Variants in KCNQ1 observed in about 807,000 individuals in gnomAD.
KCNQ1 encodes potassium voltage-gated channel subfamily KQT member 1.
A neutral mutation model predicts 72.4 loss-of-function variants in KCNQ1; 49 were observed. That is an observed-to-expected ratio of 0.68 (90% CI 0.54 to 0.86). The LOEUF (loss-of-function observed/expected upper bound fraction) is 0.86, where lower values mean the gene tolerates loss of function less well. Ranked by LOEUF, KCNQ1 falls within the 40% of genes least tolerant of loss-of-function variation. The probability of loss-of-function intolerance (pLI) is 0.00; values close to 1 mark genes in which losing one functional copy is unlikely to be tolerated. For missense variants in KCNQ1, 790 were observed against 945.1 expected, an observed-to-expected ratio of 0.84 and a Z score of 2.15; for synonymous variants, 450 against 412.6, an observed-to-expected ratio of 1.09 and a Z score of -1.10.
In KCNQ1 at chr11:2,776,382, C is replaced by A. The variant is rs1846702510; in HGVS notation, c.1685+328C>A. ...AGCAACACCAGCTTCACACTCCCCACAACTTCAGGACACTCGGCAGCCAGC... is the reference window on the plus strand; with the variant it reads ...AGCAACACCAGCTTCACACTCCCCAAAACTTCAGGACACTCGGCAGCCAGC... On this transcript the variant is annotated intron_variant, in intron 13 of 15. Transcript: ENST00000155840. Among the ~76,000 whole-genome samples, 4 of 152,260 alleles carry A rather than the reference C, an allele frequency of 2.6e-5. No individual in the cohort carries two copies. The South Asian group carries it at 6.2e-4, about 24-fold the overall frequency.
chr11:2,718,126 C>T (rs1851127510), intron 11 of KCNQ1, among the ~76,000 whole-genome samples: 1 of 152,220 alleles, frequency 6.6e-6, no homozygotes, highest in African/African-American at 2.4e-5. Context: ...GGCTTAAACA[C>T]TTTGAGGCCC....
At chr11:2,629,738 G>A (rs1178081062) in intron 10 of KCNQ1, 5 of 398,324 alleles carry the variant, frequency 1.3e-5, no homozygotes, top group Non-Finnish European at 2.2e-5. Flanking sequence ...TATTATTAGT[G>A]TATAGATACG....
intron 10 of KCNQ1, chr11:2,660,668 C>T: frequency 2.5e-6 from 1 of 398,622 alleles, no homozygotes; most frequent in African/African-American, 2.1e-5. Flanking sequence ...CAGTTTTCAT[C>T]CATGCTTGAT....
At chr11:2,527,652 G>A (rs955052826) in intron 1 of KCNQ1, among the ~76,000 whole-genome samples, 1 of 152,238 alleles carries the variant, frequency 6.6e-6, no homozygotes, top group Non-Finnish European at 1.5e-5. Context: ...GTCAGCAGGT[G>A]GTCACCTGTC....
Position 2,565,888 on chromosome 11 carries a change from A to G in KCNQ1, c.478-4740A>G, listed in dbSNP as rs1848240059. Among the ~76,000 whole-genome samples the G allele has an allele frequency of 6.6e-6, 1 of 152,090 alleles. No homozygotes were observed. The highest frequency in any genetic ancestry group is 1.5e-5 in the Non-Finnish European group (1 of 68,010). On this transcript the variant is annotated intron_variant, in intron 2 of 15. Transcript: ENST00000155840. The surrounding 1 kb of genome is among the most constrained non-coding windows in gnomAD (Gnocchi z 5.6). ...CCAGGCCCTTCACTGGGTCTGGAGG[A>G]AGGAGGGTGCTGTGGTCCTGGTGGC... is the stretch of plus-strand genomic sequence containing the variant.
At chr11:2,643,122 A>T (rs1849605528) in intron 10 of KCNQ1, 1 of 398,124 alleles carries the variant, frequency 2.5e-6, no homozygotes, top group Non-Finnish European at 4.4e-6. Context: ...TGATGAGAAG[A>T]GTGTATATTC....
In KCNQ1 at chr11:2,600,557, T is replaced by C. The variant is rs535736530; in HGVS notation, c.1393+11703T>C. On this transcript the variant is annotated intron_variant, in intron 10 of 15. Coordinates refer to ENST00000155840, the MANE Select transcript of KCNQ1 (RefSeq NM_000218.3). This position sits in a 1 kb window ranked among gnomAD's most constrained non-coding sequence, Gnocchi z 5.6. ...GCCCCTAAACATTTTGCTGTGTATTTCTGAAAAATAAAGATATTATCTTTG... is the reference window on the plus strand; with the variant it reads ...GCCCCTAAACATTTTGCTGTGTATTCCTGAAAAATAAAGATATTATCTTTG... Among the ~76,000 whole-genome samples the C allele has an allele frequency of 3.3e-5, 5 of 152,344 alleles. No individual in the cohort carries two copies. The South Asian group carries it at 1.0e-3, about 32-fold the overall frequency.
chr11:2,452,868 G>A (rs1476771138), intron 1 of KCNQ1, among the ~76,000 whole-genome samples: 1 of 152,168 alleles, frequency 6.6e-6, no homozygotes, highest in African/African-American at 2.4e-5. Context: ...GGCTTCATGC[G>A]TGCTGCGGGG....
chr11:2,696,718 C>G (rs549794880), intron 11 of KCNQ1: 2 of 398,600 alleles, frequency 5.0e-6, no homozygotes. Context: ...ATGGAAAGAT[C>G]TCCCTCTATA....
Position 2,826,560 on chromosome 11 carries a change from C to T in KCNQ1, c.1795-21207C>T, listed in dbSNP as rs1847845700. On this transcript the variant is annotated intron_variant, in intron 15 of 15. Transcript: ENST00000155840. This position sits in a 1 kb window ranked among gnomAD's most constrained non-coding sequence, Gnocchi z 4.2. ...GCTGCTGCTTCCCCGAAGGCCTCCC[C>T]AGCAGACCTGCAGCTGGGCACCCAC... Among the ~76,000 whole-genome samples, 1 of 152,256 alleles carries T rather than the reference C, an allele frequency of 6.6e-6. No individual in the cohort carries two copies. Among genetic ancestry groups the T allele is most frequent in the Non-Finnish European group, 1.5e-5 (1 of 68,040 alleles).
Position 2,772,416 on chromosome 11 carries a change from A to C in KCNQ1, c.1590+3497A>C, listed in dbSNP as rs1846618205. Among the ~76,000 whole-genome samples the C allele has an allele frequency of 6.6e-6, 1 of 151,994 alleles. No homozygotes were observed. The highest frequency in any genetic ancestry group is 2.4e-5 in the African/African-American group (1 of 41,384). Reference sequence around the variant, plus strand: ...CATCAGTCAGTCTGGACAGGCCTGCATTATCTCGGCTCATCTCAGGCTCCT... The same window carrying C: ...CATCAGTCAGTCTGGACAGGCCTGCCTTATCTCGGCTCATCTCAGGCTCCT... On this transcript the variant is annotated intron_variant, in intron 12 of 15. Coordinates refer to ENST00000155840, the MANE Select transcript of KCNQ1 (RefSeq NM_000218.3). The surrounding 1 kb of genome is among the most constrained non-coding windows in gnomAD (Gnocchi z 6.6).
At chr11:2,708,960 T>C (rs1032739732) in intron 11 of KCNQ1, among the ~76,000 whole-genome samples, 1 of 151,858 alleles carries the variant, frequency 6.6e-6, no homozygotes, top group Non-Finnish European at 1.5e-5. Context: ...AAAATCTGAA[T>C]CTTGTGAGCC....
In KCNQ1 at chr11:2,683,025, A is replaced by G; in HGVS notation, c.1514+20944A>G. 2.5e-6 allele frequency: 1 copy of G among 398,636 alleles called. No homozygotes were observed. Among genetic ancestry groups the G allele is most frequent in the Non-Finnish European group, 4.4e-6 (1 of 226,094 alleles). 24.7% of individuals were successfully genotyped at this position (398,636 alleles called of 1,614,324 possible). A position where few individuals can be genotyped will look rare whatever the true frequency, so the allele number is the denominator to read the frequency against. On this transcript the variant is annotated intron_variant, in intron 11 of 15. Transcript: ENST00000155840. The surrounding 1 kb of genome is among the most constrained non-coding windows in gnomAD (Gnocchi z 4.7). Reference sequence around the variant, plus strand: ...TGCAGCCTTAGTTCTGCCTCCTGAGAGAGGTGACCTTCTCCCACTTCTTAC... The same window carrying G: ...TGCAGCCTTAGTTCTGCCTCCTGAGGGAGGTGACCTTCTCCCACTTCTTAC...
chr11:2,526,014 G>A lies in KCNQ1; in HGVS notation c.387-1914G>A, dbSNP rs1279278190. On this transcript the variant is annotated intron_variant, in intron 1 of 15. Transcript: ENST00000155840. This position sits in a 1 kb window ranked among gnomAD's most constrained non-coding sequence, Gnocchi z 6.1. Reference sequence around the variant, plus strand: ...TTGTGGGGGCCAGGGTCAGACATCAGAGCTGGCCTCTGCCTATGAGACAGG... The same window carrying A: ...TTGTGGGGGCCAGGGTCAGACATCAAAGCTGGCCTCTGCCTATGAGACAGG... Among the ~76,000 whole-genome samples, 6 of 152,316 alleles carry A rather than the reference G, an allele frequency of 3.9e-5. No individual in the cohort carries two copies. In the South Asian group the frequency reaches 8.3e-4, roughly 21 times the overall value.
chr11:2,834,474 G>T (rs1459963993), intron 15 of KCNQ1, among the ~76,000 whole-genome samples: 1 of 152,200 alleles, frequency 6.6e-6, no homozygotes, highest in Non-Finnish European at 1.5e-5. Context: ...TCCACTGCCA[G>T]CCTCTGCTCC....
intron 1 of KCNQ1, among the ~76,000 whole-genome samples, chr11:2,452,144 G>T (rs1039435468): frequency 1.3e-5 from 2 of 152,118 alleles, no homozygotes; most frequent in Non-Finnish European, 2.9e-5. Flanking sequence ...CTCCATATCT[G>T]CTAAGGTGCA....
Position 2,808,528 on chromosome 11 carries a change from C to A in KCNQ1, c.1794+30491C>A, listed in dbSNP as rs1356835802. Among the ~76,000 whole-genome samples, 2 of 152,112 alleles carry A rather than the reference C, an allele frequency of 1.3e-5. No homozygotes were observed. Among genetic ancestry groups the A allele is most frequent in the African/African-American group, 4.8e-5 (2 of 41,412 alleles). The stretch of plus-strand genomic sequence containing the variant: ...AGCAGAGAAGAAAACAAAAGAGGAC[C>A]ATAATATCTCCACAGAGAACTATCA... On this transcript the variant is annotated intron_variant, in intron 15 of 15. Coordinates refer to ENST00000155840, the MANE Select transcript of KCNQ1 (RefSeq NM_000218.3). The surrounding 1 kb of genome is among the most constrained non-coding windows in gnomAD (Gnocchi z 6.0).
intron 4 of KCNQ1, 55 bp from the exon 5 acceptor site, chr11:2,571,958 C>A: frequency 6.7e-7 from 1 of 1,482,106 alleles, no homozygotes; most frequent in South Asian, 1.2e-5. Flanking sequence ...CTAGGCCCGG[C>A]GTGAACAGCT....
chr11:2,800,535 A>T (rs546835032), intron 15 of KCNQ1, among the ~76,000 whole-genome samples: 2 of 152,270 alleles, frequency 1.3e-5, no homozygotes, highest in South Asian at 4.1e-4. Context: ...TGTAGGGCCC[A>T]GGGAGTGGGG....
Sources: gnomAD v4.1 joint callset for allele counts (sites outside exome capture counted in the v4.1 genomes callset) on GRCh38, gnomAD v4.1.1 for gene constraint, Gnocchi (gnomAD v3.1) non-coding constraint, MANE v1.5 for transcripts, NCBI Gene and HGNC (gene_info 2026-07-23, HGNC 2026-07-21) for gene names.